Variants in CD163L1 observed in about 807,000 individuals in gnomAD.
CD163L1 encodes CD163 molecule like 1, also known as scavenger receptor cysteine-rich type 1 protein M160.
CD163L1 carries 124 observed loss-of-function variants against 165.4 expected under a neutral mutation model. That is an observed-to-expected ratio of 0.75 (90% confidence interval 0.65 to 0.87). The LOEUF (loss-of-function observed/expected upper bound fraction) is 0.87, where lower values mean the gene tolerates loss of function less well. Ranked by LOEUF, CD163L1 falls within the 40% of genes least tolerant of loss-of-function variation. The probability of loss-of-function intolerance (pLI) is 0.00; values close to 1 mark genes in which losing one functional copy is unlikely to be tolerated. For missense variants in CD163L1, 1,525 were observed against 1,799.9 expected, an observed-to-expected ratio of 0.85 and a Z score of 2.76; for synonymous variants, 585 against 662.2, an observed-to-expected ratio of 0.88 and a Z score of 1.79.
chr12:7,320,996 A>G, the CD163L1 span, among the ~76,000 whole-genome samples: 3 of 152,208 alleles, frequency 2.0e-5, no homozygotes, highest in Non-Finnish European at 4.4e-5. Flanking sequence ...TCAAGACTCT[A>G]TTAGACGCCA....
At chr12:7,390,085 G>A (rs1004031474) in intron 8 of CD163L1, among the ~76,000 whole-genome samples, 7 of 151,196 alleles carry the variant, frequency 4.6e-5, no homozygotes, top group African/African-American at 1.7e-4. Flanking sequence ...TGCAGAATAA[G>A]CCAGGCATGG....
At chr12:7,422,775 A>G (rs187945761) in intron 4 of CD163L1, among the ~76,000 whole-genome samples, 191 of 144,046 alleles carry the variant, frequency 1.3e-3, no homozygotes, top group Admixed American at 3.0e-3. Context: ...GTGTGTGTGT[A>G]TATATATATA....
At chr12:7,384,809 G>A (rs923291330) in intron 8 of CD163L1, among the ~76,000 whole-genome samples, 10 of 151,854 alleles carry the variant, frequency 6.6e-5, no homozygotes, top group Admixed American at 6.6e-5. Flanking sequence ...ATCTATATCT[G>A]GAAGTGTATA....
intron 18 of CD163L1, among the ~76,000 whole-genome samples, chr12:7,366,225 G>C (rs1162688138): frequency 6.8e-6 from 1 of 147,996 alleles, no homozygotes; most frequent in Non-Finnish European, 1.5e-5. Flanking sequence ...GTGTAGATTG[G>C]TGGTTATCAG....
intron 9 of CD163L1, 63 bp downstream of exon 9, chr12:7,378,915 C>T (rs1360450493): frequency 7.6e-6 from 11 of 1,454,610 alleles, no homozygotes; most frequent in East Asian, 6.9e-5. Context: ...TTCATAAACA[C>T]GTATTAAATA....
At chr12:7,328,935 GTGTATATA>G in the CD163L1 span, among the ~76,000 whole-genome samples, 1 of 148,650 alleles carries the variant, frequency 6.7e-6, no homozygotes. Flanking sequence ...ATACACATAT[GTGTATATA>G]TGTATATATA....
chr12:7,375,168 T>G, intron 11 of CD163L1, 113 bp downstream of exon 11: 1 of 1,040,168 alleles, frequency 9.6e-7, no homozygotes, highest in Non-Finnish European at 1.4e-6. Context: ...GTCATGCCTA[T>G]CCCCCCTCCA....
the CD163L1 span, chr12:7,326,876 G>C: frequency 7.6e-7 from 1 of 1,319,476 alleles, no homozygotes; most frequent in Non-Finnish European, 1.0e-6. Context: ...CACACAAACT[G>C]TTATTAATAA....
intron 8 of CD163L1, among the ~76,000 whole-genome samples, chr12:7,395,591 A>C (rs1308586687): frequency 1.3e-5 from 2 of 152,182 alleles, no homozygotes; most frequent in Non-Finnish European, 2.9e-5. Context: ...CTTAAAGTAT[A>C]ATAATAAAAA....
At chr12:7,440,040 G>C (rs997739383) in intron 2 of CD163L1, 7 of 1,259,456 alleles carry the variant, frequency 5.6e-6, no homozygotes, top group Non-Finnish European at 6.8e-6. Context: ...ACACACCCCA[G>C]CAGCTCCTCG....
the CD163L1 span, among the ~76,000 whole-genome samples, chr12:7,327,574 C>A: frequency 6.6e-6 from 1 of 152,156 alleles, no homozygotes; most frequent in Non-Finnish European, 1.5e-5. Flanking sequence ...GATTTAAGAA[C>A]AATACTACGT....
the CD163L1 span, chr12:7,322,682 CA>C: frequency 9.6e-7 from 1 of 1,039,666 alleles, no homozygotes; most frequent in African/African-American, 1.6e-5. Flanking sequence ...CAGTAGTTAC[CA>C]AAACTTGCAG....
Position 7,425,949 on chromosome 12 carries a change from C to A in CD163L1, c.766+6467G>T, listed in dbSNP as rs191058741. Among the ~76,000 whole-genome samples the A allele has an allele frequency of 4.7e-3, 709 of 152,230 alleles. 2 individuals carry two copies. The highest frequency in any genetic ancestry group is 5.9e-3 in the Non-Finnish European group (404 of 68,018). On this transcript the variant is annotated intron_variant, in intron 4 of 19. Coordinates refer to ENST00000313599, the MANE Select transcript of CD163L1 (RefSeq NM_174941.6). ...CATCAATCCCATTACTGGGTAAATA[C>A]CCAAAGATTATAAATCATTCTATTA... is the stretch of plus-strand genomic sequence containing the variant.
At chr12:7,331,768 C>G in the CD163L1 span, among the ~76,000 whole-genome samples, 2 of 152,134 alleles carry the variant, frequency 1.3e-5, no homozygotes, top group African/African-American at 4.8e-5. Flanking sequence ...ACATCCACAC[C>G]AAAAACCCAT....
chr12:7,360,614 T>C (rs1412837458), intron 18 of CD163L1, among the ~76,000 whole-genome samples: 1 of 152,152 alleles, frequency 6.6e-6, no homozygotes, highest in Non-Finnish European at 1.5e-5. Context: ...TTTTGAAAAA[T>C]TTTCAGATAC....
intron 8 of CD163L1, among the ~76,000 whole-genome samples, chr12:7,383,829 A>G (rs1269832132): frequency 2.6e-5 from 4 of 152,228 alleles, no homozygotes. Flanking sequence ...TCCTCTATGA[A>G]AGCCAACCCC....
chr12:7,404,253 GTAAAA>G (rs1187623023), intron 5 of CD163L1, among the ~76,000 whole-genome samples: 4 of 151,918 alleles, frequency 2.6e-5, no homozygotes, highest in Admixed American at 6.6e-5. Context: ...TTTTAACACC[GTAAAA>G]TAAAATAGTG....
rs747878970 is a variant in CD163L1, at chr12:7,398,632, TTTCAGAAGA to T, written c.1409-57_1409-49del. The T allele has an allele frequency of 6.8e-7, 1 of 1,474,714 alleles. No individual in the cohort carries two copies. The highest frequency in any genetic ancestry group is 9.1e-7 in the Non-Finnish European group (1 of 1,100,132). 91.4% of individuals were successfully genotyped at this position (1,474,714 alleles called of 1,614,324 possible). On this transcript the variant is annotated intron_variant, in intron 6 of 19. Transcript: ENST00000313599. This position sits in a 1 kb window ranked among gnomAD's most constrained non-coding sequence, Gnocchi z 4.5. ...TATTTGAGATCAAATGAGAGAGTCTTTTCAGAAGACTGAAAAGACTCTCTAAATTCACGA... is the reference window on the plus strand; with the variant it reads ...TATTTGAGATCAAATGAGAGAGTCTTCTGAAAAGACTCTCTAAATTCACGA...
intron 4 of CD163L1, among the ~76,000 whole-genome samples, chr12:7,412,005 C>T (rs1439472733): frequency 1.3e-5 from 2 of 152,218 alleles, no homozygotes; most frequent in East Asian, 3.9e-4. Flanking sequence ...CTTCCATTCA[C>T]TATCTTTAAC....
Sources: gnomAD v4.1 joint callset for allele counts (sites outside exome capture counted in the v4.1 genomes callset) on GRCh38, gnomAD v4.1.1 for gene constraint, Gnocchi (gnomAD v3.1) non-coding constraint, MANE v1.5 for transcripts, NCBI Gene and HGNC (gene_info 2026-07-23, HGNC 2026-07-21) for gene names.